The following NPSR1 variants were observed in gnomAD, a reference collection of about 807,000 sequenced individuals.
NPSR1 encodes the protein neuropeptide S receptor 1, also known as neuropeptide S receptor.
In NPSR1, 48 loss-of-function variants were observed where a neutral mutation model predicts 46.9. The observed-to-expected ratio is 1.02, with a 90% confidence interval of 0.81 to 1.30. NPSR1 has a LOEUF of 1.30. Ranked by LOEUF, NPSR1 falls within the 50% of genes most tolerant of loss-of-function variation. The probability of loss-of-function intolerance (pLI) is 0.00; values close to 1 mark genes in which losing one functional copy is unlikely to be tolerated. For synonymous variants in NPSR1, 176 were observed against 168.1 expected, an observed-to-expected ratio of 1.05 and a Z score of -0.36; for missense variants, 450 against 449.5, an observed-to-expected ratio of 1.00 and a Z score of -0.01.
chr7:34,805,813 T>C (rs1788670223), intron 3 of NPSR1, among the ~76,000 whole-genome samples: 1 of 151,968 alleles, frequency 6.6e-6, no homozygotes, highest in South Asian at 2.1e-4. Context: ...TATCCAAATA[T>C]GTACAAAGAA....
intron 8 of NPSR1, among the ~76,000 whole-genome samples, chr7:34,858,614 C>T (rs1791109784): frequency 6.6e-6 from 1 of 151,836 alleles, no homozygotes; most frequent in Admixed American, 6.5e-5. Flanking sequence ...CTTACAGTTC[C>T]ACATTGCTGG....
chr7:34,661,698 T>A (rs561564463), intron 1 of NPSR1, among the ~76,000 whole-genome samples: 1 of 152,314 alleles, frequency 6.6e-6, no homozygotes, highest in East Asian at 1.9e-4. Flanking sequence ...ACCCATCCCA[T>A]CTTCCACCAT....
At chr7:34,742,261 C>T (rs1784981998) in intron 2 of NPSR1, among the ~76,000 whole-genome samples, 2 of 151,594 alleles carry the variant, frequency 1.3e-5, no homozygotes, top group Non-Finnish European at 2.9e-5. Flanking sequence ...ATTATTTCAT[C>T]ACCCAGATAT....
At chr7:34,751,628 G>A in intron 2 of NPSR1, 1 of 1,601,148 alleles carries the variant, frequency 6.2e-7, no homozygotes, top group Admixed American at 1.7e-5. Flanking sequence ...CTCACTGCCT[G>A]CTCCAAGTGG....
chr7:34,807,516 T>C (rs948904190), intron 3 of NPSR1, among the ~76,000 whole-genome samples: 66 of 152,300 alleles, frequency 4.3e-4, no homozygotes, highest in African/African-American at 1.4e-3. Context: ...AAATGCTGTT[T>C]GCTTTGAATT....
chr7:34,743,860 T>C (rs1050717297), intron 2 of NPSR1, among the ~76,000 whole-genome samples: 1 of 152,206 alleles, frequency 6.6e-6, no homozygotes, highest in Admixed American at 6.5e-5. Flanking sequence ...CTTACTTTCC[T>C]GTATGTTTTA....
chr7:34,862,417 A>G (rs1228747777), intron 8 of NPSR1, among the ~76,000 whole-genome samples: 1 of 151,732 alleles, frequency 6.6e-6, no homozygotes, highest in Non-Finnish European at 1.5e-5. Context: ...TTGTTCCTCC[A>G]GTCTTAGGAA....
intron 3 of NPSR1, among the ~76,000 whole-genome samples, chr7:34,780,309 C>T (rs929911676): frequency 5.3e-5 from 8 of 152,140 alleles, no homozygotes; most frequent in African/African-American, 1.9e-4. Context: ...CATTTGATAA[C>T]CTATGGTTTC....
chr7:34,702,749 G>T (rs930720739), intron 2 of NPSR1, among the ~76,000 whole-genome samples: 1 of 152,186 alleles, frequency 6.6e-6, no homozygotes, highest in Non-Finnish European at 1.5e-5. Flanking sequence ...ATTTGTATGA[G>T]AATTCTGTAT....
chr7:34,791,357 A>G (rs887020377), intron 3 of NPSR1, among the ~76,000 whole-genome samples: 3 of 147,692 alleles, frequency 2.0e-5, no homozygotes, highest in African/African-American at 7.4e-5. Flanking sequence ...AAACTAACAA[A>G]TGAATTTACT....
At chr7:34,690,546 A>G (rs1464399332) in intron 2 of NPSR1, among the ~76,000 whole-genome samples, 1 of 152,178 alleles carries the variant, frequency 6.6e-6, no homozygotes, top group Non-Finnish European at 1.5e-5. Flanking sequence ...CTAAAATAAA[A>G]GAAACGGACA....
chr7:34,872,673 T>C (rs1791486191), intron 8 of NPSR1, among the ~76,000 whole-genome samples: 1 of 151,732 alleles, frequency 6.6e-6, no homozygotes, highest in Admixed American at 6.6e-5. Flanking sequence ...AATTATGTCT[T>C]ACATGGATGG....
In NPSR1 at chr7:34,859,677, T is replaced by C. The variant is rs1791139677; in HGVS notation, c.1025+11014T>C. On this transcript the variant is annotated intron_variant, in intron 8 of 8. Coordinates refer to the NPSR1 transcript ENST00000359791. ...ACAGACTTTAAGGAGGCCAATCCAA[T>C]GTTCTCAAACCTGGCTGCATCATGA... Among the ~76,000 whole-genome samples, 3 of 151,820 alleles carry C rather than the reference T, an allele frequency of 2.0e-5. 1 individual carries two copies. Among genetic ancestry groups the C allele is most frequent in the South Asian group, 2.1e-4 (1 of 4,834 alleles).
chr7:34,725,279 T>C (rs974455899), intron 2 of NPSR1, among the ~76,000 whole-genome samples: 6 of 152,180 alleles, frequency 3.9e-5, no homozygotes, highest in Non-Finnish European at 8.8e-5. Context: ...TAAGATACTA[T>C]AGCCAAAATG....
At chr7:34,768,722 T>C (rs1054853859) in intron 2 of NPSR1, among the ~76,000 whole-genome samples, 1 of 152,206 alleles carries the variant, frequency 6.6e-6, no homozygotes, top group Non-Finnish European at 1.5e-5. Context: ...GCACTGGAAT[T>C]ACCATTTAGA....
At chr7:34,825,690 C>A (rs1204883121) in intron 4 of NPSR1, among the ~76,000 whole-genome samples, 1 of 152,150 alleles carries the variant, frequency 6.6e-6, no homozygotes, top group Admixed American at 6.6e-5. Context: ...TTCCAAAGGA[C>A]CCAGAAAAGT....
intron 1 of NPSR1, among the ~76,000 whole-genome samples, chr7:34,678,725 C>T (rs1381917694): frequency 2.0e-5 from 3 of 151,568 alleles, no homozygotes; most frequent in Non-Finnish European, 4.4e-5. Flanking sequence ...ACTCGGGAGG[C>T]TGAGGCAGGA....
intron 3 of NPSR1, among the ~76,000 whole-genome samples, chr7:34,794,171 TA>T (rs1290662246): frequency 1.3e-5 from 2 of 152,012 alleles, no homozygotes; most frequent in African/African-American, 4.8e-5. Flanking sequence ...AGGGTGAATA[TA>T]AAAAACAATA....
intron 8 of NPSR1, among the ~76,000 whole-genome samples, chr7:34,857,281 A>G (rs1791072111): frequency 6.6e-6 from 1 of 151,734 alleles, no homozygotes; most frequent in Non-Finnish European, 1.5e-5. Flanking sequence ...TTATATGGAA[A>G]TGCAAAGGGC....
Sources: gnomAD v4.1 joint callset for allele counts (sites outside exome capture counted in the v4.1 genomes callset) on GRCh38, gnomAD v4.1.1 for gene constraint, MANE v1.5 for transcripts, NCBI Gene and HGNC (gene_info 2026-07-23, HGNC 2026-07-21) for gene names.